Variants in PRTFDC1 observed in about 807,000 individuals in gnomAD.
The protein encoded by PRTFDC1 is phosphoribosyl transferase domain containing 1.
In PRTFDC1, 38 loss-of-function variants were observed where a neutral mutation model predicts 34.6. The ratio of observed to expected loss-of-function variants is 1.10; its 90% confidence interval spans 0.85 to 1.44. The LOEUF is 1.44. Ranked by LOEUF, PRTFDC1 falls within the 40% of genes most tolerant of loss-of-function variation. The pLI, the probability that PRTFDC1 is intolerant of heterozygous loss-of-function variation, is 0.00. For synonymous variants in PRTFDC1, 93 were observed against 98.1 expected (o/e 0.95, Z 0.31); for missense variants, 270 against 283.0 (o/e 0.95, Z 0.33).
intron 7 of PRTFDC1, among the ~76,000 whole-genome samples, chr10:24,853,779 G>C (rs1466926817): frequency 1.3e-5 from 2 of 152,140 alleles, no homozygotes; most frequent in Non-Finnish European, 2.9e-5. Flanking sequence ...TAGAATAAAA[G>C]GATGATGGAT....
intron 4 of PRTFDC1, among the ~76,000 whole-genome samples, chr10:24,862,047 A>C (rs987742985): frequency 8.5e-5 from 13 of 152,120 alleles, no homozygotes; most frequent in Non-Finnish European, 1.6e-4. Flanking sequence ...AACATTATAA[A>C]ATGCTTGAAA....
chr10:24,859,085 G>A (rs559479427), intron 4 of PRTFDC1, among the ~76,000 whole-genome samples: 1 of 152,296 alleles, frequency 6.6e-6, no homozygotes, highest in African/African-American at 2.4e-5. Flanking sequence ...AGTGCTCGAG[G>A]CGGGGCCTGG....
rs1847486966 is a variant in PRTFDC1, at chr10:24,851,425, T to C, written c.593A>G (p.Tyr198Cys). The C allele has an allele frequency of 1.6e-5, 26 of 1,612,470 alleles. No homozygotes were observed. Among genetic ancestry groups the C allele is most frequent in the Non-Finnish European group, 2.1e-5 (25 of 1,179,782 alleles). Reference protein sequence around the residue: ...FEIPNLFVVGYALDYNEYFRD... With the variant: ...FEIPNLFVVGCALDYNEYFRD... ...GAAGTATTCATTGTAATCTAAGGCA[T>C]ATCCCACCACAAATAAGTTTGGAAT... Residue 198 changes from tyrosine (Y) to cysteine (C), a missense_variant, in exon 8 of 9, where the codon TAT becomes TGT. Coordinates refer to ENST00000320152, the MANE Select transcript of PRTFDC1 (RefSeq NM_020200.7).
At chr10:24,877,141 T>C (rs905444723) in intron 3 of PRTFDC1, among the ~76,000 whole-genome samples, 1 of 152,146 alleles carries the variant, frequency 6.6e-6, no homozygotes, top group Non-Finnish European at 1.5e-5. Flanking sequence ...GATGTTCACT[T>C]TCTCTATTAG....
chr10:24,858,281 C>T, intron 5 of PRTFDC1, 111 bp downstream of exon 5: 3 of 1,145,896 alleles, frequency 2.6e-6, no homozygotes, highest in Non-Finnish European at 2.6e-6. Context: ...GAGCATGCAC[C>T]CAGTGGGAGC....
intron 3 of PRTFDC1, among the ~76,000 whole-genome samples, chr10:24,887,663 T>C (rs946612287): frequency 7.2e-5 from 11 of 152,050 alleles, no homozygotes; most frequent in Admixed American, 2.0e-4. Context: ...TAATATACCC[T>C]CTATCCAGCA....
intron 3 of PRTFDC1, among the ~76,000 whole-genome samples, chr10:24,888,986 T>TGTG (rs1480331421): frequency 6.6e-6 from 1 of 152,192 alleles, no homozygotes; most frequent in Admixed American, 6.6e-5. Flanking sequence ...GAAATGCTGC[T>TGTG]ACCACCTGCC....
In PRTFDC1 at chr10:24,883,422, C is replaced by A. The variant is rs188610774; in HGVS notation, c.340-11359G>T. The stretch of plus-strand genomic sequence containing the variant: ...AGGGAGGGTGGGTCAGAAGGAGGGA[C>A]ACAATAATGGGAAGAAGCTACAGGC... On this transcript the variant is annotated intron_variant, in intron 3 of 8. Transcript: ENST00000320152. Among the ~76,000 whole-genome samples the A allele has an allele frequency of 3.1e-3, 468 of 151,626 alleles. 1 individual carries two copies. The highest frequency in any genetic ancestry group is 0.011 in the African/African-American group (458 of 41,282).
intron 3 of PRTFDC1, among the ~76,000 whole-genome samples, chr10:24,901,377 G>C (rs777521333): frequency 6.6e-6 from 1 of 152,150 alleles, no homozygotes; most frequent in African/African-American, 2.4e-5. Context: ...ATTATAGATG[G>C]AAAGTCTCAT....
rs79414553 is a variant in PRTFDC1 at position 24,937,347 on chromosome 10, T to C, written c.176A>G (p.Asp59Gly). Reference protein sequence around the residue: ...IVDRIERLAKDIMKDIGYSDI... With the variant: ...IVDRIERLAKGIMKDIGYSDI... The stretch of plus-strand genomic sequence containing the variant: ...ACTATATCCTATGTCTTTCATAATA[T>C]CCTTGGCCAGCCGCTCAATTCTGAA... The change falls in exon 3 of 9, where the codon GAT becomes GGT. Residue 59 changes from aspartate (D) to glycine (G), a missense_variant. Asp to Gly is a moderately conservative substitution (Grantham distance 94, BLOSUM62 -1). Coordinates refer to ENST00000320152, the MANE Select transcript of PRTFDC1 (RefSeq NM_020200.7). 6.2e-7 allele frequency: 1 copy of C among 1,608,750 alleles called. No individual in the cohort carries two copies. The highest frequency in any genetic ancestry group is 2.2e-5 in the East Asian group (1 of 44,812).
At chr10:24,871,167 C>G (rs1304204896) in intron 4 of PRTFDC1, among the ~76,000 whole-genome samples, 1 of 151,514 alleles carries the variant, frequency 6.6e-6, no homozygotes, top group Admixed American at 6.6e-5. Context: ...TTTTCCCTAC[C>G]CGGGCATTGC....
At chr10:24,880,804 ACTGT>A (rs768604191) in intron 3 of PRTFDC1, among the ~76,000 whole-genome samples, 3 of 137,040 alleles carry the variant, frequency 2.2e-5, no homozygotes, top group Middle Eastern at 4.1e-3. Context: ...ATTCCACTTT[ACTGT>A]CTTTCTCTTT....
chr10:24,942,375 C>T lies in PRTFDC1; in HGVS notation c.110G>A (p.Gly37Glu). 1 of 1,613,844 alleles carries T rather than the reference C, an allele frequency of 6.2e-7. No homozygotes were observed. The highest frequency in any genetic ancestry group is 1.7e-5 in the Admixed American group (1 of 60,026). The change falls in exon 2 of 9, where the codon GGA becomes GAA. Residue 37 changes from glycine (G) to glutamate (E), a missense_variant. By Grantham distance (98) the Gly-to-Glu change is moderately conservative. Coordinates refer to ENST00000320152, the MANE Select transcript of PRTFDC1 (RefSeq NM_020200.7). The part of the protein sequence containing the change: ...NLFTYPQHYY[G>E]DLEYVLIPHG... ...AGGGATGAGGACATACTCCAAGTCT[C>T]CATAATAGTGCTGTGGGTACGTGAA... is the stretch of plus-strand genomic sequence containing the variant.
chr10:24,947,079 G>T (rs1049124264), intron 1 of PRTFDC1, among the ~76,000 whole-genome samples: 2 of 152,256 alleles, frequency 1.3e-5, no homozygotes, highest in Non-Finnish European at 2.9e-5. Context: ...GGTCAAGGCT[G>T]TAGTAAGCCA....
intron 3 of PRTFDC1, among the ~76,000 whole-genome samples, chr10:24,907,212 T>TA (rs59328007): frequency 0.32 from 47,423 of 149,030 alleles, 8,338 homozygotes; most frequent in Non-Finnish European, 0.41. Flanking sequence ...ACCCTGTCTC[T>TA]AAAAAAAAAA....
chr10:24,948,950 C>T (rs183716810), intron 1 of PRTFDC1, among the ~76,000 whole-genome samples: 10 of 152,292 alleles, frequency 6.6e-5, no homozygotes, highest in East Asian at 1.9e-4. Flanking sequence ...GTTCAAATCC[C>T]GCTTCTGCCA....
intron 2 of PRTFDC1, among the ~76,000 whole-genome samples, chr10:24,938,910 G>A (rs1386772079): frequency 6.6e-6 from 1 of 152,218 alleles, no homozygotes; most frequent in Non-Finnish European, 1.5e-5. Context: ...TCAGCAGAGA[G>A]TGGAAGACTT....
At chr10:24,851,353 A>C (rs368752558) in intron 8 of PRTFDC1, 35 bp downstream of exon 8, 7 of 1,585,538 alleles carry the variant, frequency 4.4e-6, no homozygotes, top group South Asian at 1.2e-5. Context: ...AGTTCTTATA[A>C]AAAGGGCGGT....
At position 24,937,202 on chromosome 10, in the gene PRTFDC1, G is replaced by A; in HGVS notation, c.321C>T (p.Ile107=). 1 of 1,612,706 alleles carries A rather than the reference G, an allele frequency of 6.2e-7. No homozygotes were observed. The highest frequency in any genetic ancestry group is 8.5e-7 in the Non-Finnish European group (1 of 1,179,608). Residue 107 remains isoleucine (I), a synonymous_variant, in exon 3 of 9, where the codon ATC becomes ATT. Coordinates refer to ENST00000320152, the MANE Select transcript of PRTFDC1 (RefSeq NM_020200.7). The part of the protein sequence containing the change: ...DRFVSMKVDF[I]RLKSYRNDQS... ...AACTTACCCTGTAACTTTTTAGTCT[G>A]ATGAAATCAACCTTCATTGAGACAA...
Sources: gnomAD v4.1 joint callset for allele counts (sites outside exome capture counted in the v4.1 genomes callset) on GRCh38, gnomAD v4.1.1 for gene constraint, MANE v1.5 for transcripts, NCBI Gene and HGNC (gene_info 2026-07-23, HGNC 2026-07-21) for gene names.